Variants in BACH2 observed in about 807,000 individuals in gnomAD.
The protein encoded by BACH2 is transcription regulator protein BACH2.
BACH2 carries 5 observed loss-of-function variants against 61.8 expected under a neutral mutation model. The ratio of observed to expected loss-of-function variants is 0.08; its 90% confidence interval spans 0.04 to 0.17. The LOEUF is 0.17. BACH2 is among the 10% of genes least tolerant of loss of function. BACH2 has a pLI of 1.00. For synonymous variants in BACH2, 446 were observed against 440.1 expected (o/e 1.01, Z -0.17); for missense variants, 824 against 1,091.1 (o/e 0.76, Z 3.45).
At chr6:90,239,414 G>C (rs746820125) in intron 3 of BACH2, among the ~76,000 whole-genome samples, 4 of 152,162 alleles carry the variant, frequency 2.6e-5, no homozygotes, top group African/African-American at 9.7e-5. Flanking sequence ...AGGTCAACTA[G>C]AAAACAAGCG....
chr6:89,986,649 G>A (rs1218114574), intron 6 of BACH2, among the ~76,000 whole-genome samples: 1 of 152,086 alleles, frequency 6.6e-6, no homozygotes, highest in Non-Finnish European at 1.5e-5. Flanking sequence ...ATGTTCTGAT[G>A]CTCTTGGTGA....
intron 3 of BACH2, among the ~76,000 whole-genome samples, chr6:90,252,210 TTGG>T (rs1770833394): frequency 6.6e-6 from 1 of 152,162 alleles, no homozygotes; most frequent in African/African-American, 2.4e-5. Context: ...TTCACACAAC[TTGG>T]TGACAGACAG....
chr6:90,092,295 T>C (rs62408199), intron 4 of BACH2, among the ~76,000 whole-genome samples: 2 of 85,814 alleles, frequency 2.3e-5, no homozygotes, highest in Admixed American at 2.1e-4. Flanking sequence ...AAAAAAAATA[T>C]ATATATATAT....
intron 4 of BACH2, among the ~76,000 whole-genome samples, chr6:90,099,617 AT>A: frequency 6.6e-6 from 1 of 152,312 alleles, no homozygotes; most frequent in Middle Eastern, 3.4e-3. Flanking sequence ...CACAGAAGGT[AT>A]CTAGTAAATG....
At chr6:90,228,724 A>C (rs1394200885) in intron 3 of BACH2, among the ~76,000 whole-genome samples, 3 of 152,182 alleles carry the variant, frequency 2.0e-5, no homozygotes, top group Non-Finnish European at 4.4e-5. Context: ...GGGTGACAGC[A>C]AGACACTGTC....
chr6:90,191,509 C>T (rs1001802004), intron 4 of BACH2, among the ~76,000 whole-genome samples: 3 of 152,146 alleles, frequency 2.0e-5, no homozygotes, highest in Non-Finnish European at 2.9e-5. Context: ...CAATATATTT[C>T]GAATTCAATT....
At chr6:90,227,170 A>G (rs989921152) in intron 3 of BACH2, among the ~76,000 whole-genome samples, 4 of 152,236 alleles carry the variant, frequency 2.6e-5, no homozygotes, top group African/African-American at 7.2e-5. Context: ...TGTGAATAAC[A>G]TTTTCAAAGT....
At chr6:90,058,231 C>G (rs996019957) in intron 5 of BACH2, among the ~76,000 whole-genome samples, 1 of 152,198 alleles carries the variant, frequency 6.6e-6, no homozygotes, top group African/African-American at 2.4e-5. Flanking sequence ...ACCCCACTGT[C>G]TCAGCACAAA....
At chr6:89,980,166 C>T (rs1208687150) in intron 6 of BACH2, among the ~76,000 whole-genome samples, 1 of 151,880 alleles carries the variant, frequency 6.6e-6, no homozygotes, top group Non-Finnish European at 1.5e-5. Flanking sequence ...TGGTGGTGTG[C>T]GCCTGTAATC....
intron 3 of BACH2, among the ~76,000 whole-genome samples, chr6:90,229,197 G>A (rs367749447): frequency 6.6e-6 from 1 of 152,318 alleles, no homozygotes; most frequent in East Asian, 1.9e-4. Context: ...GGTGGCTCAC[G>A]CCTGTAATCC....
intron 4 of BACH2, among the ~76,000 whole-genome samples, chr6:90,141,370 G>A (rs1241872160): frequency 6.6e-6 from 1 of 151,956 alleles, no homozygotes; most frequent in Admixed American, 6.6e-5. Context: ...CAGTAGAGAC[G>A]GGGTTTCACC....
At chr6:90,285,622 C>G (rs1771996737) in intron 1 of BACH2, among the ~76,000 whole-genome samples, 1 of 152,114 alleles carries the variant, frequency 6.6e-6, no homozygotes, top group African/African-American at 2.4e-5. Flanking sequence ...GAAATTTGTC[C>G]AATTTTCTCC....
chr6:90,190,002 G>C (rs1447682595), intron 4 of BACH2, among the ~76,000 whole-genome samples: 3 of 152,030 alleles, frequency 2.0e-5, no homozygotes, highest in Admixed American at 1.3e-4. Flanking sequence ...GGAGTGCAAC[G>C]GCATGATCTC....
intron 5 of BACH2, among the ~76,000 whole-genome samples, chr6:90,023,568 T>C (rs1778490347): frequency 1.3e-5 from 2 of 152,106 alleles, no homozygotes; most frequent in South Asian, 4.1e-4. Flanking sequence ...AATTACTCAG[T>C]CTCAGGTATT....
At chr6:90,129,305 T>C (rs1783998954) in intron 4 of BACH2, among the ~76,000 whole-genome samples, 2 of 152,188 alleles carry the variant, frequency 1.3e-5, no homozygotes, top group Admixed American at 1.3e-4. Context: ...CTTCATTAAG[T>C]GGTTTCCTAC....
At chr6:90,244,612 G>A (rs749441634) in intron 3 of BACH2, among the ~76,000 whole-genome samples, 9 of 151,964 alleles carry the variant, frequency 5.9e-5, no homozygotes, top group Admixed American at 1.3e-4. Context: ...CCCTTCACAC[G>A]CGCACACATG....
intron 4 of BACH2, among the ~76,000 whole-genome samples, chr6:90,130,317 A>G (rs549866466): frequency 1.3e-5 from 2 of 152,316 alleles, no homozygotes; most frequent in Admixed American, 1.3e-4. Flanking sequence ...CAGGTGACCT[A>G]GGATACAGGT....
chr6:90,118,320 G>A (rs1783486324), intron 4 of BACH2, among the ~76,000 whole-genome samples: 1 of 152,184 alleles, frequency 6.6e-6, no homozygotes, highest in African/African-American at 2.4e-5. Flanking sequence ...ATACAAACAG[G>A]ATGAAAGGAT....
At chr6:89,965,360 A>G (rs1774995518) in intron 6 of BACH2, among the ~76,000 whole-genome samples, 1 of 152,174 alleles carries the variant, frequency 6.6e-6, no homozygotes, top group African/African-American at 2.4e-5. Flanking sequence ...CCATTTTTAC[A>G]TTACTCCTGC....
Sources: allele counts gnomAD v4.1 joint callset (sites outside exome capture counted in the v4.1 genomes callset), GRCh38; gene constraint gnomAD v4.1.1; transcripts MANE v1.5; gene names NCBI Gene and HGNC (gene_info 2026-07-23, HGNC 2026-07-21).